NCKAP5: variants seen among roughly 807,000 people sequenced by gnomAD.
NCKAP5 encodes nck-associated protein 5.
NCKAP5 carries 92 observed loss-of-function variants against 167.0 expected under a neutral mutation model. That is an observed-to-expected ratio of 0.55 (90% CI 0.47 to 0.66). The LOEUF is 0.66. Ranked by LOEUF, NCKAP5 falls within the 30% of genes least tolerant of loss-of-function variation. The pLI is 0.00. For missense variants in NCKAP5, 2,378 were observed against 2,315.0 expected (o/e 1.03, Z -0.56); for synonymous variants, 891 against 877.4 (o/e 1.02, Z -0.27).
At chr2:132,792,274 T>C (rs529081176) in intron 12 of NCKAP5, among the ~76,000 whole-genome samples, 2 of 152,354 alleles carry the variant, frequency 1.3e-5, no homozygotes, top group South Asian at 4.1e-4. Flanking sequence ...CTACATATTA[T>C]TGAAAGGAGA....
intron 6 of NCKAP5, among the ~76,000 whole-genome samples, chr2:133,096,144 C>G (rs983992126): frequency 6.6e-6 from 1 of 152,128 alleles, no homozygotes; most frequent in Non-Finnish European, 1.5e-5. Flanking sequence ...TGCAGCAAAC[C>G]TAATACGAAC....
At chr2:133,641,877 T>C in the NCKAP5 span, among the ~76,000 whole-genome samples, 18 of 152,208 alleles carry the variant, frequency 1.2e-4, no homozygotes, top group African/African-American at 4.1e-4. Flanking sequence ...TATAGCAAAG[T>C]GCCTCTCTCC....
chr2:133,108,710 A>G (rs1440265451), intron 6 of NCKAP5, among the ~76,000 whole-genome samples: 4 of 152,136 alleles, frequency 2.6e-5, no homozygotes, highest in African/African-American at 7.2e-5. Context: ...TCACTCTCCA[A>G]TCCCTGGCAA....
At chr2:132,871,874 C>T (rs1282122504) in intron 9 of NCKAP5, among the ~76,000 whole-genome samples, 2 of 152,204 alleles carry the variant, frequency 1.3e-5, no homozygotes, top group Non-Finnish European at 2.9e-5. Flanking sequence ...GTTTTGTTAT[C>T]GCTTTTAACA....
intron 6 of NCKAP5, among the ~76,000 whole-genome samples, chr2:133,077,191 A>G (rs2149578213): frequency 6.6e-6 from 1 of 152,356 alleles, no homozygotes; most frequent in East Asian, 1.9e-4. Context: ...TGTGAAAGGC[A>G]GAATATGACA....
intron 11 of NCKAP5, among the ~76,000 whole-genome samples, chr2:132,846,628 A>G (rs1688684110): frequency 1.3e-5 from 2 of 152,196 alleles, no homozygotes; most frequent in African/African-American, 4.8e-5. Context: ...TTTAACATTC[A>G]ATGACTTCTT....
chr2:132,727,329 T>C (rs949012969), intron 18 of NCKAP5, among the ~76,000 whole-genome samples: 1 of 152,230 alleles, frequency 6.6e-6, no homozygotes, highest in Non-Finnish European at 1.5e-5. Context: ...GTCATGATTT[T>C]CTAAATTTTA....
intron 4 of NCKAP5, among the ~76,000 whole-genome samples, chr2:133,250,861 T>C (rs1451289852): frequency 6.6e-6 from 1 of 151,886 alleles, no homozygotes; most frequent in Non-Finnish European, 1.5e-5. Context: ...GCCCAGGAGG[T>C]TGAGGCTGCA....
At position 132,838,515 on chromosome 2, in the gene NCKAP5, C is replaced by CCAGCTA. The variant is rs1006019742; in HGVS notation, c.807+21971_807+21976dup. Among the ~76,000 whole-genome samples, 90 of 152,068 alleles carry CCAGCTA rather than the reference C, an allele frequency of 5.9e-4. 1 individual carries two copies. The highest frequency in any genetic ancestry group is 1.2e-3 in the Non-Finnish European group (84 of 68,008). ...GGCGTGGTGGCAGGCACCTGTAGTC[C>CCAGCTA]CAGCTACTCGGGAGGCTGAGGAAGG... is the stretch of plus-strand genomic sequence containing the variant. On this transcript the variant is annotated intron_variant, in intron 11 of 19. Transcript: ENST00000409261.
intron 3 of NCKAP5, among the ~76,000 whole-genome samples, chr2:133,460,416 T>G (rs933622015): frequency 6.6e-6 from 1 of 152,192 alleles, no homozygotes; most frequent in Non-Finnish European, 1.5e-5. Context: ...GAGCAATATA[T>G]TCTAACATGA....
intron 4 of NCKAP5, among the ~76,000 whole-genome samples, chr2:133,295,385 C>G (rs1177834319): frequency 6.6e-6 from 1 of 152,034 alleles, no homozygotes; most frequent in African/African-American, 2.4e-5. Flanking sequence ...ATATACGCAG[C>G]ACATGTTAGC....
rs150327825 is a variant in NCKAP5 at position 133,177,766 on chromosome 2, G to T, written c.207+35950C>A. On this transcript the variant is annotated intron_variant, in intron 5 of 19. Transcript: ENST00000409261. ...CCAGGACTTCCATCACTGCCAGGTGGTAATGAGCTCCCCATCCCCACAATG... is the reference window on the plus strand; with the variant it reads ...CCAGGACTTCCATCACTGCCAGGTGTTAATGAGCTCCCCATCCCCACAATG... 2.8e-4 allele frequency among the ~76,000 whole-genome samples: 42 copies of T among 152,302 alleles called. 1 individual carries two copies. In the East Asian group the frequency reaches 7.3e-3, roughly 27 times the overall value.
At chr2:133,086,623 C>T (rs2081001262) in intron 6 of NCKAP5, among the ~76,000 whole-genome samples, 1 of 152,044 alleles carries the variant, frequency 6.6e-6, no homozygotes, top group African/African-American at 2.4e-5. Flanking sequence ...GCCTGAGTGA[C>T]AGAGCAAGAC....
intron 5 of NCKAP5, among the ~76,000 whole-genome samples, chr2:133,146,214 A>AGCAACATCTAGATAAAAT (rs2083191303): frequency 6.6e-6 from 1 of 151,900 alleles, no homozygotes; most frequent in South Asian, 2.1e-4. Flanking sequence ...AGATTAGAAA[A>AGCAACATCTAGATAAAAT]GCAACATCTA....
At chr2:133,069,155 C>A (rs1232032882) in intron 6 of NCKAP5, among the ~76,000 whole-genome samples, 1 of 152,096 alleles carries the variant, frequency 6.6e-6, no homozygotes, top group Non-Finnish European at 1.5e-5. Flanking sequence ...AAATTAGATG[C>A]CTTAAGGTCT....
At chr2:133,126,702 T>G (rs190264356) in intron 6 of NCKAP5, among the ~76,000 whole-genome samples, 1 of 152,346 alleles carries the variant, frequency 6.6e-6, no homozygotes, top group East Asian at 1.9e-4. Flanking sequence ...TATTCCTCTC[T>G]TTAAGGAGTA....
intron 11 of NCKAP5, among the ~76,000 whole-genome samples, chr2:132,849,950 T>C (rs1335031331): frequency 6.6e-6 from 1 of 152,170 alleles, no homozygotes; most frequent in Non-Finnish European, 1.5e-5. Context: ...ATGCTGATAA[T>C]CAGGACTCCT....
intron 6 of NCKAP5, among the ~76,000 whole-genome samples, chr2:133,049,630 G>A (rs1226854491): frequency 2.0e-5 from 3 of 151,498 alleles, no homozygotes; most frequent in African/African-American, 7.3e-5. Context: ...TGGGGTATAA[G>A]TGGTAGAAAA....
chr2:132,936,183 T>C (rs1396467064), intron 8 of NCKAP5, among the ~76,000 whole-genome samples: 1 of 152,100 alleles, frequency 6.6e-6, no homozygotes, highest in Admixed American at 6.5e-5. Context: ...GGTTTCACCA[T>C]GTTGGCCAGG....
Sources: allele counts gnomAD v4.1 joint callset (sites outside exome capture counted in the v4.1 genomes callset), GRCh38; gene constraint gnomAD v4.1.1; transcripts MANE v1.5; gene names NCBI Gene and HGNC (gene_info 2026-07-23, HGNC 2026-07-21).